CAB39L: variants seen among roughly 807,000 people sequenced by gnomAD.
The protein encoded by CAB39L is calcium binding protein 39 like.
Under a neutral mutation model 39.1 loss-of-function variants are expected in CAB39L, and 23 were observed. The ratio of observed to expected loss-of-function variants is 0.59; its 90% CI spans 0.42 to 0.83. The LOEUF is 0.83. Among genes scored for constraint, CAB39L ranks in the 40% least tolerant of loss-of-function variants. The pLI, the probability that CAB39L is intolerant of heterozygous loss-of-function variation, is 0.00. For synonymous variants in CAB39L, 126 were observed against 137.2 expected (o/e 0.92, Z 0.57); for missense variants, 366 against 391.9 (o/e 0.93, Z 0.56).
chr13:49,367,252 CA>C (rs1955799908), intron 5 of CAB39L, among the ~76,000 whole-genome samples: 1 of 152,136 alleles, frequency 6.6e-6, no homozygotes, highest in South Asian at 2.1e-4. Flanking sequence ...CAGATGGCAA[CA>C]AGCACATAAA....
chr13:49,443,225 AG>A (rs1412572548), intron 1 of CAB39L, among the ~76,000 whole-genome samples: 7 of 152,122 alleles, frequency 4.6e-5, no homozygotes, highest in African/African-American at 1.7e-4. Context: ...ATGTCATGGC[AG>A]ACCCAGAGAT....
At chr13:49,443,083 TAA>T (rs71078845) in intron 1 of CAB39L, among the ~76,000 whole-genome samples, 13 of 116,498 alleles carry the variant, frequency 1.1e-4, no homozygotes, top group Admixed American at 2.7e-4. Context: ...ACAACAATGC[TAA>T]AAAAAAAAAA....
intron 3 of CAB39L, among the ~76,000 whole-genome samples, chr13:49,402,815 T>C (rs905823309): frequency 1.3e-5 from 2 of 152,174 alleles, no homozygotes; most frequent in Admixed American, 6.5e-5. Context: ...ACCTATTAAA[T>C]AGGTATCAAA....
At chr13:49,391,111 G>A (rs1248212420) in intron 3 of CAB39L, among the ~76,000 whole-genome samples, 1 of 152,124 alleles carries the variant, frequency 6.6e-6, no homozygotes, top group Non-Finnish European at 1.5e-5. Context: ...TCCATAAAGG[G>A]GAAAAATCTA....
At chr13:49,337,770 AC>A (rs1954887736) in intron 9 of CAB39L, among the ~76,000 whole-genome samples, 1 of 140,600 alleles carries the variant, frequency 7.1e-6, no homozygotes, top group African/African-American at 2.7e-5. Context: ...ACACACACAC[AC>A]ACACGCCTAT....
intron 1 of CAB39L, 50 bp from the exon 2 acceptor site, chr13:49,434,273 G>A (rs1003837870): frequency 2.4e-6 from 1 of 414,440 alleles, no homozygotes; most frequent in South Asian, 1.8e-5. Flanking sequence ...ACATCAATCT[G>A]GTTTTAAATC....
chr13:49,412,093 T>G (rs564270957), intron 3 of CAB39L, among the ~76,000 whole-genome samples: 2 of 152,104 alleles, frequency 1.3e-5, no homozygotes, highest in Non-Finnish European at 2.9e-5. Context: ...CCCACTGGAG[T>G]TGATAGGGGT....
rs1047749819 is a variant in CAB39L at position 49,309,872 on chromosome 13, G to T, written c.*942C>A. 5 of 152,142 alleles carry T rather than the reference G, an allele frequency of 3.3e-5. No homozygotes were observed. Among genetic ancestry groups the T allele is most frequent in the African/African-American group, 1.2e-4 (5 of 41,408 alleles). The allele number at this position is 152,142 out of a possible 1,614,324, so 9.4% of individuals were successfully genotyped here. A position where few individuals can be genotyped will look rare whatever the true frequency, so the allele number is the denominator to read the frequency against. The stretch of plus-strand genomic sequence containing the variant: ...ACATGAATCATTTCTCCTTCCAATG[G>T]TTATTGATACTGATAGAAGTTCCCC... On this transcript the variant is annotated 3_prime_UTR_variant, in exon 11 of 11. Coordinates refer to ENST00000409308, the MANE Select transcript of CAB39L (RefSeq NM_001079670.3).
intron 7 of CAB39L, among the ~76,000 whole-genome samples, chr13:49,346,073 TAG>T (rs540741635): frequency 3.8e-4 from 24 of 62,500 alleles, no homozygotes; most frequent in South Asian, 2.3e-3. Flanking sequence ...ATATATATGC[TAG>T]ATATATATAT....
At chr13:49,412,466 A>G (rs12184585) in intron 3 of CAB39L, among the ~76,000 whole-genome samples, 94,082 of 151,962 alleles carry the variant, frequency 0.62, 30,208 homozygotes, top group Middle Eastern at 0.82. Context: ...GTTGATAAAC[A>G]TGCAAAATCT....
intron 10 of CAB39L, among the ~76,000 whole-genome samples, chr13:49,327,366 C>T (rs1954536280): frequency 6.6e-6 from 1 of 152,144 alleles, no homozygotes; most frequent in South Asian, 2.1e-4. Flanking sequence ...TGCAGTGGCA[C>T]AATATCGGCT....
intron 3 of CAB39L, among the ~76,000 whole-genome samples, chr13:49,425,273 A>G (rs917470258): frequency 1.3e-5 from 2 of 152,156 alleles, no homozygotes; most frequent in Admixed American, 6.5e-5. Flanking sequence ...CAATATTGAA[A>G]ACTTTTATTT....
intron 3 of CAB39L, among the ~76,000 whole-genome samples, chr13:49,408,088 T>C (rs1956920495): frequency 1.3e-5 from 2 of 152,020 alleles, no homozygotes; most frequent in African/African-American, 4.8e-5. Context: ...AAAGAAACAG[T>C]AGGTGATGAA....
intron 6 of CAB39L, among the ~76,000 whole-genome samples, chr13:49,358,333 T>A (rs903786188): frequency 6.6e-6 from 1 of 152,124 alleles, no homozygotes; most frequent in Non-Finnish European, 1.5e-5. Flanking sequence ...AAATTTAAAA[T>A]TATGATAAAG....
At chr13:49,358,586 C>T (rs1241875543) in intron 6 of CAB39L, among the ~76,000 whole-genome samples, 6 of 152,138 alleles carry the variant, frequency 3.9e-5, no homozygotes, top group Non-Finnish European at 7.4e-5. Flanking sequence ...AGAGGCCAGG[C>T]GCAGTGGCTC....
In CAB39L at chr13:49,325,579, G is replaced by A. The variant is rs186120121; in HGVS notation, c.834+6368C>T. Among the ~76,000 whole-genome samples, 236 of 152,136 alleles carry A rather than the reference G, an allele frequency of 1.6e-3. 2 individuals are homozygous for A. Among genetic ancestry groups the A allele is most frequent in the African/African-American group, 5.4e-3 (226 of 41,478 alleles). ...TGAGACGGGCGGATCACCTGAGGTC[G>A]GGAGTTTGAGACCAGCCGGGCCAAC... On this transcript the variant is annotated intron_variant, in intron 10 of 10. Coordinates refer to ENST00000409308, the MANE Select transcript of CAB39L (RefSeq NM_001079670.3).
Position 49,384,572 on chromosome 13 carries a change from T to C in CAB39L, c.-31-1631A>G, listed in dbSNP as rs1384448774. Among the ~76,000 whole-genome samples, 4 of 152,354 alleles carry C rather than the reference T, an allele frequency of 2.6e-5. No individual in the cohort carries two copies. In the South Asian group the frequency reaches 6.2e-4, roughly 24 times the overall value. On this transcript the variant is annotated intron_variant, in intron 3 of 10. Transcript: ENST00000409308. Reference sequence around the variant, plus strand: ...TAGAGGAATCACTATCTATGGCTGCTTGCATCTTATGAAATGTATTTCTTT... The same window carrying C: ...TAGAGGAATCACTATCTATGGCTGCCTGCATCTTATGAAATGTATTTCTTT...
chr13:49,372,648 C>G (rs534694321), intron 5 of CAB39L, among the ~76,000 whole-genome samples: 1 of 152,228 alleles, frequency 6.6e-6, no homozygotes, highest in African/African-American at 2.4e-5. Flanking sequence ...CTTCTTCACT[C>G]AACTTGTTTT....
chr13:49,414,525 T>C (rs1957048357), intron 3 of CAB39L, among the ~76,000 whole-genome samples: 1 of 152,192 alleles, frequency 6.6e-6, no homozygotes, highest in Admixed American at 6.5e-5. Flanking sequence ...TAAATTATGT[T>C]ATGCTACCAT....
Sources: allele counts gnomAD v4.1 joint callset (sites outside exome capture counted in the v4.1 genomes callset), GRCh38; gene constraint gnomAD v4.1.1; transcripts MANE v1.5; gene names NCBI Gene and HGNC (gene_info 2026-07-23, HGNC 2026-07-21).